Variants in FOXK1 observed in about 807,000 individuals in gnomAD.
The protein encoded by FOXK1 is forkhead box K1, also known as forkhead box protein K1.
A neutral mutation model predicts 51.9 loss-of-function variants in FOXK1; 19 were observed. The ratio of observed to expected loss-of-function variants is 0.37; its 90% CI spans 0.26 to 0.54. The LOEUF is 0.54. Ranked by LOEUF, FOXK1 falls within the 20% of genes least tolerant of loss-of-function variation. FOXK1 has a pLI of 0.87. For synonymous variants in FOXK1, 537 were observed against 482.6 expected (o/e 1.11, Z -1.48); for missense variants, 870 against 1,032.7 (o/e 0.84, Z 2.16).
In FOXK1 at chr7:4,761,058, C is replaced by T; in HGVS notation, c.1697-6C>T. 1 of 1,608,820 alleles carries T rather than the reference C, an allele frequency of 6.2e-7. No homozygotes were observed. Among genetic ancestry groups the T allele is most frequent in the Non-Finnish European group, 8.5e-7 (1 of 1,176,400 alleles). On this transcript the variant is annotated splice_region_variant and splice_polypyrimidine_tract_variant and intron_variant, in intron 7 of 8. Transcript: ENST00000328914. The surrounding 1 kb of genome is among the most constrained non-coding windows in gnomAD (Gnocchi z 6.2). The stretch of plus-strand genomic sequence containing the variant: ...GTGTGGTGCTGACTTGGTTCCTGTC[C>T]CGCAGGCCTGGAGGAGAAACCCACC...
At position 4,755,697 on chromosome 7, in the gene FOXK1, C is replaced by CTCCA. The variant is rs1469623883; in HGVS notation, c.1050+315_1050+318dup. Reference sequence around the variant, plus strand: ...AGTGAGCTATGATCACACCACTGCACTCCAGCCTGGGAGACAGAGAAAGAC... The same window carrying CTCCA: ...AGTGAGCTATGATCACACCACTGCACTCCATCCAGCCTGGGAGACAGAGAAAGAC... On this transcript the variant is annotated intron_variant, in intron 4 of 8. Transcript: ENST00000328914. This position sits in a 1 kb window ranked among gnomAD's most constrained non-coding sequence, Gnocchi z 6.6. Among the ~76,000 whole-genome samples the CTCCA allele has an allele frequency of 6.6e-6, 1 of 152,110 alleles. No individual in the cohort carries two copies. The highest frequency in any genetic ancestry group is 1.5e-5 in the Non-Finnish European group (1 of 68,014).
rs1583205472 is a variant in FOXK1, at chr7:4,743,353, C to T, written c.746+2330C>T. On this transcript the variant is annotated intron_variant, in intron 2 of 8. Transcript: ENST00000328914. This position sits in a 1 kb window ranked among gnomAD's most constrained non-coding sequence, Gnocchi z 5.3. ...GGATCACTTGAAGCCAGTTCGAGAT[C>T]AGCCTGGGCAACATGGTGAAACCCC... is the stretch of plus-strand genomic sequence containing the variant. Among the ~76,000 whole-genome samples, 2 of 152,278 alleles carry T rather than the reference C, an allele frequency of 1.3e-5. No homozygotes were observed. The highest frequency in any genetic ancestry group is 1.9e-4 in the East Asian group (1 of 5,182).
At position 4,745,251 on chromosome 7, in the gene FOXK1, T is replaced by C. The variant is rs897573311; in HGVS notation, c.746+4228T>C. Among the ~76,000 whole-genome samples, 5 of 152,180 alleles carry C rather than the reference T, an allele frequency of 3.3e-5. No individual in the cohort carries two copies. Among genetic ancestry groups the C allele is most frequent in the East Asian group, 1.9e-4 (1 of 5,172 alleles). On this transcript the variant is annotated intron_variant, in intron 2 of 8. Coordinates refer to ENST00000328914, the MANE Select transcript of FOXK1 (RefSeq NM_001037165.2). The surrounding 1 kb of genome is among the most constrained non-coding windows in gnomAD (Gnocchi z 4.3). ...TGTGCATTCGCCTCGCCAGTCCTCA[T>C]TGGCCGTGGAGTGGCTGGCTCGGTG...
rs1263568770 is a variant in FOXK1, at chr7:4,723,972, A to T, written c.561-16866A>T. 2.0e-5 allele frequency among the ~76,000 whole-genome samples: 3 copies of T among 150,538 alleles called. No individual in the cohort carries two copies. Among genetic ancestry groups the T allele is most frequent in the Non-Finnish European group, 4.4e-5 (3 of 67,940 alleles). On this transcript the variant is annotated intron_variant, in intron 1 of 8. Transcript: ENST00000328914. The surrounding 1 kb of genome is among the most constrained non-coding windows in gnomAD (Gnocchi z 4.7). ...AGGCGTGCACCTCTGTGCTCGGCCC[A>T]TTCGATTTTTAAAACCTTAAATGAC...
chr7:4,762,468 C>G lies in FOXK1; in HGVS notation c.*4C>G, dbSNP rs575323176. 1 of 1,539,692 alleles carries G rather than the reference C, an allele frequency of 6.5e-7. No homozygotes were observed. The highest frequency in any genetic ancestry group is 8.8e-7 in the Non-Finnish European group (1 of 1,140,066). On this transcript the variant is annotated 3_prime_UTR_variant, in exon 9 of 9. Coordinates refer to ENST00000328914, the MANE Select transcript of FOXK1 (RefSeq NM_001037165.2). The surrounding 1 kb of genome is among the most constrained non-coding windows in gnomAD (Gnocchi z 5.7). ...GGGGCCAGGCACCGGGGAGTGAGGT[C>G]ACCTGCAACGCGGGGGAGTGGGACT...
At position 4,756,697 on chromosome 7, in the gene FOXK1, G is replaced by T. The variant is rs769447405; in HGVS notation, c.1051-297G>T. Among the ~76,000 whole-genome samples the T allele has an allele frequency of 5.9e-5, 9 of 151,694 alleles. No individual in the cohort carries two copies. The highest frequency in any genetic ancestry group is 3.2e-3 in the Middle Eastern group (1 of 316). On this transcript the variant is annotated intron_variant, in intron 4 of 8. Transcript: ENST00000328914. This position sits in a 1 kb window ranked among gnomAD's most constrained non-coding sequence, Gnocchi z 4.1. ...GGAGAATCCCTTGAACCCGGGAGGCGGAACTTGCAGTGAGCCGAGATCGTG... is the reference window on the plus strand; with the variant it reads ...GGAGAATCCCTTGAACCCGGGAGGCTGAACTTGCAGTGAGCCGAGATCGTG...
Position 4,734,448 on chromosome 7 carries a change from C to G in FOXK1, c.561-6390C>G, listed in dbSNP as rs979014927. Reference sequence around the variant, plus strand: ...GATGCTCTGTGGCTTCCACCACTCCCCAGATCGTCTGCTTCCTCCTTGCCC... The same window carrying G: ...GATGCTCTGTGGCTTCCACCACTCCGCAGATCGTCTGCTTCCTCCTTGCCC... On this transcript the variant is annotated intron_variant, in intron 1 of 8. Transcript: ENST00000328914. The surrounding 1 kb of genome is among the most constrained non-coding windows in gnomAD (Gnocchi z 5.2). Among the ~76,000 whole-genome samples the G allele has an allele frequency of 6.6e-6, 1 of 152,214 alleles. No individual in the cohort carries two copies. Among genetic ancestry groups the G allele is most frequent in the Non-Finnish European group, 1.5e-5 (1 of 68,034 alleles).
rs1409627872 is a variant in FOXK1, at chr7:4,749,273, G to A, written c.747-5186G>A. 1.3e-5 allele frequency among the ~76,000 whole-genome samples: 2 copies of A among 152,176 alleles called. No individual in the cohort carries two copies. The highest frequency in any genetic ancestry group is 4.8e-5 in the African/African-American group (2 of 41,440). On this transcript the variant is annotated intron_variant, in intron 2 of 8. Transcript: ENST00000328914. The surrounding 1 kb of genome is among the most constrained non-coding windows in gnomAD (Gnocchi z 6.0). Reference sequence around the variant, plus strand: ...ATGTTTCATCTCCTCCCAAGCTCCCGTAGGCTTCCCTGGGTCCCTCTTCTC... The same window carrying A: ...ATGTTTCATCTCCTCCCAAGCTCCCATAGGCTTCCCTGGGTCCCTCTTCTC...
At chr7:4,700,338 C>T (rs1304479965) in intron 1 of FOXK1, among the ~76,000 whole-genome samples, 1 of 152,142 alleles carries the variant, frequency 6.6e-6, no homozygotes, top group Non-Finnish European at 1.5e-5. Flanking sequence ...CAAAAATAAC[C>T]TGGTGTAAGA....
intron 1 of FOXK1, among the ~76,000 whole-genome samples, chr7:4,718,935 G>A (rs1300355074): frequency 3.9e-5 from 6 of 151,936 alleles, no homozygotes; most frequent in African/African-American, 1.2e-4. Context: ...CCAGCCTCCC[G>A]AGTAGTTAGG....
Position 4,682,636 on chromosome 7 carries a change from G to A in FOXK1, c.328G>A (p.Glu110Lys), listed in dbSNP as rs1779766301. 2 of 1,543,300 alleles carry A rather than the reference G, an allele frequency of 1.3e-6. No homozygotes were observed. Among genetic ancestry groups the A allele is most frequent in the Non-Finnish European group, 1.7e-6 (2 of 1,152,936 alleles). Reference sequence around the variant, plus strand: ...CCCGGGGCCGGCGCTGGCGCGGCTGGAGGGCCGCGAGTTCGAGTTCCTCAT... The same window carrying A: ...CCCGGGGCCGGCGCTGGCGCGGCTGAAGGGCCGCGAGTTCGAGTTCCTCAT... ...QSPGPALARL[E>K]GREFEFLMRQ... The change falls in exon 1 of 9, where the codon GAG (glutamate) becomes AAG (lysine). Residue 110 changes from glutamate to lysine, a missense_variant. By Grantham distance (56) the Glu-to-Lys change is moderately conservative (BLOSUM62 1). Around this residue, in one of 3 missense-constraint regions of FOXK1, gnomAD observed 399 missense variants for 475.6 expected, o/e 0.84. Transcript: ENST00000328914. This position sits in a 1 kb window ranked among gnomAD's most constrained non-coding sequence, Gnocchi z 7.6.
rs1016079690 is a variant in FOXK1 at position 4,730,101 on chromosome 7, G to A, written c.561-10737G>A. 3.9e-5 allele frequency among the ~76,000 whole-genome samples: 6 copies of A among 152,316 alleles called. 1 individual carries two copies. The highest frequency in any genetic ancestry group is 6.5e-5 in the Admixed American group (1 of 15,298). ...CTCAGCATATGGGCTTGAGTATCTC[G>A]CTGTCTTTTCTTTTTCCAAATAGGA... is the stretch of plus-strand genomic sequence containing the variant. On this transcript the variant is annotated intron_variant, in intron 1 of 8. Coordinates refer to ENST00000328914, the MANE Select transcript of FOXK1 (RefSeq NM_001037165.2). The surrounding 1 kb of genome is among the most constrained non-coding windows in gnomAD (Gnocchi z 4.7).
chr7:4,737,123 G>T (rs574937931), intron 1 of FOXK1, among the ~76,000 whole-genome samples: 1 of 152,046 alleles, frequency 6.6e-6, no homozygotes, highest in Non-Finnish European at 1.5e-5. Context: ...TCCAAACCCC[G>T]ATCTCCAGGA....
chr7:4,770,154 G>C lies in FOXK1; in HGVS notation c.*7690G>C, dbSNP rs1781078988. The C allele has an allele frequency of 6.6e-6, 1 of 152,060 alleles. No individual in the cohort carries two copies. The highest frequency in any genetic ancestry group is 6.6e-5 in the Admixed American group (1 of 15,266). The allele number at this position is 152,060 out of a possible 1,614,324, so 9.4% of individuals were successfully genotyped here. A position where few individuals can be genotyped will look rare whatever the true frequency, so the allele number is the denominator to read the frequency against. Reference sequence around the variant, plus strand: ...CTGCATGAAGTTCACAGGCCTGTATGGATGTTAAATTGTGTCTATAGCCTC... The same window carrying C: ...CTGCATGAAGTTCACAGGCCTGTATCGATGTTAAATTGTGTCTATAGCCTC... On this transcript the variant is annotated 3_prime_UTR_variant, in exon 9 of 9. Transcript: ENST00000328914.
In FOXK1 at chr7:4,762,392, C is replaced by T. The variant is rs781336946; in HGVS notation, c.2130C>T (p.Pro710=). 1 of 1,550,092 alleles carries T rather than the reference C, an allele frequency of 6.5e-7. No individual in the cohort carries two copies. Among genetic ancestry groups the T allele is most frequent in the African/African-American group, 1.4e-5 (1 of 73,144 alleles). The part of the protein sequence containing the change: ...PEVKRSRVEE[P]SGAVTTPAGV... Reference sequence around the variant, plus strand: ...TCAAAAGGTCCCGGGTGGAGGAGCCCAGTGGTGCTGTAACCACACCGGCTG... The same window carrying T: ...TCAAAAGGTCCCGGGTGGAGGAGCCTAGTGGTGCTGTAACCACACCGGCTG... The change falls in exon 9 of 9, where the codon CCC becomes CCT. Residue 710 remains proline (P), a synonymous_variant. Coordinates refer to ENST00000328914, the MANE Select transcript of FOXK1 (RefSeq NM_001037165.2). This position sits in a 1 kb window ranked among gnomAD's most constrained non-coding sequence, Gnocchi z 5.7.
chr7:4,708,851 G>A (rs1780138681), intron 1 of FOXK1, among the ~76,000 whole-genome samples: 1 of 152,146 alleles, frequency 6.6e-6, no homozygotes, highest in Admixed American at 6.5e-5. Flanking sequence ...GATCACCTGA[G>A]GTCAGGAGTT....
At chr7:4,736,693 C>T (rs1266344484) in intron 1 of FOXK1, among the ~76,000 whole-genome samples, 1 of 152,132 alleles carries the variant, frequency 6.6e-6, no homozygotes, top group Non-Finnish European at 1.5e-5. Flanking sequence ...GGATTACAAG[C>T]CTGAGCCTCC....
rs1780802360 is a variant in FOXK1, at chr7:4,753,281, A to AG, written c.747-1173dup. ...GTTTCTTGAGCCCCGCCTGCACCCA[A>AG]GGGGGCTCCTACTTAACCTAAGTTT... On this transcript the variant is annotated intron_variant, in intron 2 of 8. Transcript: ENST00000328914. The surrounding 1 kb of genome is among the most constrained non-coding windows in gnomAD (Gnocchi z 4.9). Among the ~76,000 whole-genome samples the AG allele has an allele frequency of 6.6e-6, 1 of 152,142 alleles. No individual in the cohort carries two copies. Among genetic ancestry groups the AG allele is most frequent in the Non-Finnish European group, 1.5e-5 (1 of 68,014 alleles).
rs749703452 is a variant in FOXK1, at chr7:4,768,121, CTTTTTTTTTTTTTT to C, written c.*5673_*5686del. 3.8e-5 allele frequency: 3 copies of C among 79,194 alleles called. No homozygotes were observed. The highest frequency in any genetic ancestry group is 3.6e-4 in the East Asian group (1 of 2,786). 4.9% of individuals were successfully genotyped at this position (79,194 alleles called of 1,614,324 possible). On this transcript the variant is annotated 3_prime_UTR_variant, in exon 9 of 9. Transcript: ENST00000328914. ...AAAAACAGACCCATTTCACTGACTT[CTTTTTTTTTTTTTT>C]TTTTTTTTTTTTTTTGAGACGGAGT...
Sources: allele counts gnomAD v4.1 joint callset (sites outside exome capture counted in the v4.1 genomes callset), GRCh38; gene constraint gnomAD v4.1.1; regional missense constraint gnomAD v4.1.1; non-coding constraint Gnocchi (gnomAD v3.1); transcripts MANE v1.5; gene names NCBI Gene and HGNC (gene_info 2026-07-23, HGNC 2026-07-21).